IMMP2L: variants seen among roughly 807,000 people sequenced by gnomAD.
IMMP2L encodes the protein inner mitochondrial membrane peptidase subunit 2.
A neutral mutation model predicts 19.3 loss-of-function variants in IMMP2L; 18 were observed. That is an observed-to-expected ratio of 0.93 (90% CI 0.64 to 1.38). The LOEUF (loss-of-function observed/expected upper bound fraction) is 1.38. Ranked by LOEUF, IMMP2L falls within the 40% of genes most tolerant of loss-of-function variation. IMMP2L has a pLI of 0.00. For synonymous variants in IMMP2L, 76 were observed against 73.0 expected (o/e 1.04, Z -0.21); for missense variants, 233 against 218.2 (o/e 1.07, Z -0.43).
At chr7:111,114,426 T>C (rs984369573) in intron 3 of IMMP2L, among the ~76,000 whole-genome samples, 9 of 152,060 alleles carry the variant, frequency 5.9e-5, no homozygotes, top group East Asian at 3.9e-4. Flanking sequence ...TCCAAGTACA[T>C]TGTATTAAGT....
At chr7:111,420,772 T>C (rs1000725427) in intron 3 of IMMP2L, among the ~76,000 whole-genome samples, 1 of 151,798 alleles carries the variant, frequency 6.6e-6, no homozygotes, top group African/African-American at 2.4e-5. Flanking sequence ...TTCCATGGTG[T>C]ATAAGTGCCA....
intron 4 of IMMP2L, among the ~76,000 whole-genome samples, chr7:110,937,653 A>C (rs554775371): frequency 6.6e-6 from 1 of 152,290 alleles, no homozygotes; most frequent in African/African-American, 2.4e-5. Context: ...TGGGAGTAGG[A>C]GAAAGGTCAC....
At chr7:111,391,576 T>C (rs985017018) in intron 3 of IMMP2L, among the ~76,000 whole-genome samples, 5 of 152,120 alleles carry the variant, frequency 3.3e-5, no homozygotes, top group Admixed American at 6.6e-5. Context: ...GAAAAAATAA[T>C]TCAAATCTAG....
intron 3 of IMMP2L, among the ~76,000 whole-genome samples, chr7:111,190,986 C>T (rs529685827): frequency 1.4e-4 from 21 of 152,000 alleles, no homozygotes; most frequent in Non-Finnish European, 2.5e-4. Context: ...ATACTTCTTC[C>T]TTTTGCTTTG....
intron 3 of IMMP2L, among the ~76,000 whole-genome samples, chr7:111,270,057 C>G (rs924561350): frequency 1.6e-4 from 22 of 140,516 alleles, no homozygotes; most frequent in East Asian, 2.1e-4. Flanking sequence ...GCATGTGTGT[C>G]TGTGTGTGTG....
intron 4 of IMMP2L, among the ~76,000 whole-genome samples, chr7:110,959,347 G>A (rs1818691166): frequency 6.6e-6 from 1 of 151,892 alleles, no homozygotes; most frequent in Non-Finnish European, 1.5e-5. Context: ...GGGACCAGTA[G>A]ACTAAGGGCT....
At chr7:111,260,942 C>T (rs192649798) in intron 3 of IMMP2L, among the ~76,000 whole-genome samples, 72 of 152,042 alleles carry the variant, frequency 4.7e-4, no homozygotes, top group African/African-American at 1.7e-3. Context: ...AGCGTAAATA[C>T]ATGAGGATAA....
At chr7:110,782,291 A>C (rs1799794811) in intron 5 of IMMP2L, among the ~76,000 whole-genome samples, 2 of 151,970 alleles carry the variant, frequency 1.3e-5, no homozygotes, top group Non-Finnish European at 2.9e-5. Flanking sequence ...GAGACAATAC[A>C]CATGACTATT....
intron 3 of IMMP2L, among the ~76,000 whole-genome samples, chr7:111,414,619 C>G (rs961555403): frequency 2.0e-5 from 3 of 151,724 alleles, no homozygotes; most frequent in African/African-American, 7.3e-5. Context: ...TTGTCAAAAT[C>G]CATAGAGCTG....
intron 3 of IMMP2L, among the ~76,000 whole-genome samples, chr7:111,019,229 G>A (rs1826033474): frequency 6.6e-6 from 1 of 152,154 alleles, no homozygotes; most frequent in Non-Finnish European, 1.5e-5. Flanking sequence ...AACTGACGAG[G>A]GAGGAGGATG....
chr7:111,134,050 C>T lies in IMMP2L; in HGVS notation c.240-170485G>A, dbSNP rs188242192. The stretch of plus-strand genomic sequence containing the variant: ...TCTGGGTAATTTTGTATATAGAAGC[C>T]CAAATGTAATGTAAAATTGTGATTG... On this transcript the variant is annotated intron_variant, in intron 3 of 5. Transcript: ENST00000405709. 3.2e-3 allele frequency among the ~76,000 whole-genome samples: 490 copies of T among 151,932 alleles called. 3 individuals are homozygous for T. The highest frequency in any genetic ancestry group is 6.8e-3 in the Middle Eastern group (2 of 292).
intron 5 of IMMP2L, among the ~76,000 whole-genome samples, chr7:110,756,370 T>C (rs1798042931): frequency 6.6e-6 from 1 of 152,076 alleles, no homozygotes; most frequent in Admixed American, 6.6e-5. Context: ...ACATCCATTC[T>C]GAGTAAGCTC....
chr7:110,937,843 A>T (rs1456607319), intron 4 of IMMP2L, among the ~76,000 whole-genome samples: 1 of 152,196 alleles, frequency 6.6e-6, no homozygotes, highest in Non-Finnish European at 1.5e-5. Context: ...ATCTTGTCTC[A>T]GTTTCAACTG....
At chr7:110,914,669 T>C (rs956718369) in intron 4 of IMMP2L, among the ~76,000 whole-genome samples, 1 of 152,214 alleles carries the variant, frequency 6.6e-6, no homozygotes, top group African/African-American at 2.4e-5. Context: ...GCAAAATTCA[T>C]GTTGCTCTTT....
At chr7:111,312,089 T>C (rs1401962072) in intron 3 of IMMP2L, among the ~76,000 whole-genome samples, 1 of 152,110 alleles carries the variant, frequency 6.6e-6, no homozygotes, top group Non-Finnish European at 1.5e-5. Context: ...CACTGCAACA[T>C]TCCTATCTCC....
chr7:111,262,520 C>T (rs1312654410), intron 3 of IMMP2L, among the ~76,000 whole-genome samples: 7 of 152,116 alleles, frequency 4.6e-5, no homozygotes, highest in African/African-American at 1.4e-4. Flanking sequence ...ACTATGTCTA[C>T]ACCCCTTGTC....
chr7:110,784,252 T>C (rs1207300618), intron 5 of IMMP2L, among the ~76,000 whole-genome samples: 1 of 151,942 alleles, frequency 6.6e-6, no homozygotes, highest in African/African-American at 2.4e-5. Context: ...TATTTTACTT[T>C]TAATGCATCT....
chr7:111,319,564 T>A (rs1160928469), intron 3 of IMMP2L, among the ~76,000 whole-genome samples: 2 of 152,094 alleles, frequency 1.3e-5, no homozygotes, highest in Non-Finnish European at 2.9e-5. Flanking sequence ...ATTCAAAATT[T>A]TTACAAATCA....
intron 5 of IMMP2L, among the ~76,000 whole-genome samples, chr7:110,690,458 C>G (rs1389743904): frequency 6.6e-6 from 1 of 151,930 alleles, no homozygotes; most frequent in Non-Finnish European, 1.5e-5. Context: ...CCAGCTAGAG[C>G]AATCAGGCAA....
Sources: gnomAD v4.1 joint callset for allele counts (sites outside exome capture counted in the v4.1 genomes callset) on GRCh38, gnomAD v4.1.1 for gene constraint, MANE v1.5 for transcripts, NCBI Gene and HGNC (gene_info 2026-07-23, HGNC 2026-07-21) for gene names.